Variants in SORCS1 observed in about 807,000 individuals in gnomAD.
SORCS1 encodes sortilin related VPS10 domain containing receptor 1.
SORCS1 carries 60 observed loss-of-function variants against 146.1 expected under a neutral mutation model. That is an observed-to-expected ratio of 0.41 (90% CI 0.33 to 0.51). SORCS1 has a LOEUF of 0.51. Among genes scored for constraint, SORCS1 ranks in the 20% least tolerant of loss-of-function variants. SORCS1 has a pLI of 0.21. For synonymous variants in SORCS1, 637 were observed against 584.0 expected, an observed-to-expected ratio of 1.09 and a Z score of -1.31; for missense variants, 1,352 against 1,487.6, an observed-to-expected ratio of 0.91 and a Z score of 1.50.
chr10:107,167,894 G>A (rs2134978491), upstream of SORCS1, among the ~76,000 whole-genome samples: 1 of 152,208 alleles, frequency 6.6e-6, no homozygotes, highest in South Asian at 2.1e-4. Flanking sequence ...TTTAGTCATT[G>A]TATACTGATT....
chr10:107,024,150 G>A (rs2133888240), intron 1 of SORCS1, among the ~76,000 whole-genome samples: 2 of 148,456 alleles, frequency 1.3e-5, no homozygotes, highest in South Asian at 2.2e-4. Flanking sequence ...CTCTAGCCTG[G>A]GTGACAGAGC....
chr10:107,061,785 TAAG>T (rs887186567), intron 1 of SORCS1, among the ~76,000 whole-genome samples: 2 of 152,174 alleles, frequency 1.3e-5, no homozygotes, highest in African/African-American at 4.8e-5. Context: ...ATTTTGGAAA[TAAG>T]TAGGGCACAC....
At chr10:107,083,249 A>G (rs937657600) in intron 1 of SORCS1, among the ~76,000 whole-genome samples, 1 of 152,116 alleles carries the variant, frequency 6.6e-6, no homozygotes, top group Non-Finnish European at 1.5e-5. Context: ...CTCTGAGGAG[A>G]ACTAGGAACT....
chr10:106,612,981 C>A (rs1336422806), intron 21 of SORCS1, among the ~76,000 whole-genome samples: 1 of 149,070 alleles, frequency 6.7e-6, no homozygotes. Flanking sequence ...TCACTACCCT[C>A]CCCCGGCTCA....
chr10:106,818,611 G>C (rs1239894809), intron 3 of SORCS1, among the ~76,000 whole-genome samples: 1 of 152,160 alleles, frequency 6.6e-6, no homozygotes, highest in East Asian at 1.9e-4. Context: ...TGATCCGCCT[G>C]CCTCGGCGGG....
chr10:107,004,204 A>C (rs976337821), intron 1 of SORCS1, among the ~76,000 whole-genome samples: 2 of 149,552 alleles, frequency 1.3e-5, no homozygotes, highest in Admixed American at 6.6e-5. Flanking sequence ...AAAAAAGCAG[A>C]GAATACTACT....
chr10:106,997,025 C>T (rs992598445), intron 1 of SORCS1, among the ~76,000 whole-genome samples: 6 of 147,554 alleles, frequency 4.1e-5, no homozygotes, highest in African/African-American at 1.5e-4. Context: ...ATAACATTCT[C>T]TTTAACATCC....
intron 1 of SORCS1, among the ~76,000 whole-genome samples, chr10:106,968,418 A>T (rs2139170644): frequency 6.6e-6 from 1 of 152,320 alleles, no homozygotes; most frequent in South Asian, 2.1e-4. Context: ...TCTATGTGAG[A>T]ACCCACACAC....
intron 2 of SORCS1, among the ~76,000 whole-genome samples, chr10:106,871,031 A>T (rs1043020793): frequency 3.9e-5 from 6 of 152,244 alleles, no homozygotes; most frequent in African/African-American, 7.2e-5. Context: ...CCCATTAAAA[A>T]GTGGGCAAAG....
chr10:106,719,629 T>C (rs2135927058), intron 6 of SORCS1, among the ~76,000 whole-genome samples: 1 of 152,188 alleles, frequency 6.6e-6, no homozygotes, highest in South Asian at 2.1e-4. Context: ...GCCAGGATGG[T>C]CTCGATCTCT....
intron 1 of SORCS1, among the ~76,000 whole-genome samples, chr10:106,965,588 T>C (rs77721280): frequency 2.2e-4 from 33 of 152,332 alleles, no homozygotes; most frequent in African/African-American, 7.9e-4. Context: ...ATTTCAATTA[T>C]CTGATTGTTT....
At chr10:106,980,988 G>A (rs1043166983) in intron 1 of SORCS1, among the ~76,000 whole-genome samples, 8 of 149,776 alleles carry the variant, frequency 5.3e-5, no homozygotes, top group African/African-American at 2.0e-4. Context: ...ATTTGTTTAT[G>A]AGGAAAAAAA....
At chr10:106,963,110 ATTTTTTTTT>A (rs749174613) in intron 1 of SORCS1, among the ~76,000 whole-genome samples, 943 of 76,344 alleles carry the variant, frequency 0.012, 36 homozygotes, top group African/African-American at 0.041. Flanking sequence ...AATGGCCAGA[ATTTTTTTTT>A]TTTTTTTTTT....
At chr10:107,056,216 G>A (rs1456216839) in intron 1 of SORCS1, among the ~76,000 whole-genome samples, 1 of 152,164 alleles carries the variant, frequency 6.6e-6, no homozygotes. Flanking sequence ...CCTAGATGAA[G>A]CAATGTACTT....
chr10:107,125,039 G>A (rs961412532), intron 1 of SORCS1, among the ~76,000 whole-genome samples: 1 of 141,578 alleles, frequency 7.1e-6, no homozygotes, highest in African/African-American at 2.6e-5. Flanking sequence ...TGCAACCTCT[G>A]CCTCCCAGGT....
intron 12 of SORCS1, 114 bp from the exon 13 acceptor site, chr10:106,677,518 C>A: frequency 1.1e-6 from 1 of 890,932 alleles, no homozygotes; most frequent in Non-Finnish European, 1.8e-6. Context: ...AAATAGGTTT[C>A]CCTAAATCTT....
At chr10:106,896,389 A>G (rs1461364107) in intron 2 of SORCS1, among the ~76,000 whole-genome samples, 1 of 149,512 alleles carries the variant, frequency 6.7e-6, no homozygotes, top group East Asian at 2.0e-4. Flanking sequence ...AGATTGCGCC[A>G]CTGCACTCCA....
rs946703873 is a variant in SORCS1, at chr10:106,596,147, G to A, written c.3265+1204C>T. 2.6e-5 allele frequency among the ~76,000 whole-genome samples: 4 copies of A among 152,098 alleles called. No individual in the cohort carries two copies. In the South Asian group the frequency reaches 6.2e-4, roughly 24 times the overall value. ...TCTGACTGGAAAAAAAAATCCAAGT[G>A]CTTAAATATGTTACGTAGTCTCTCT... On this transcript the variant is annotated intron_variant, in intron 24 of 25. Transcript: ENST00000263054.
At chr10:106,928,456 G>A (rs1241976312) in intron 2 of SORCS1, among the ~76,000 whole-genome samples, 4 of 152,200 alleles carry the variant, frequency 2.6e-5, no homozygotes, top group African/African-American at 7.2e-5. Context: ...GCACAGCCCC[G>A]GTTTCCGCTC....
Sources: gnomAD v4.1 joint callset for allele counts (sites outside exome capture counted in the v4.1 genomes callset) on GRCh38, gnomAD v4.1.1 for gene constraint, MANE v1.5 for transcripts, NCBI Gene and HGNC (gene_info 2026-07-23, HGNC 2026-07-21) for gene names.